The following SPTBN1 variants were observed in gnomAD, a reference collection of about 807,000 sequenced individuals.
SPTBN1 encodes spectrin beta chain, non-erythrocytic 1.
In SPTBN1, 32 loss-of-function variants were observed where a neutral mutation model predicts 266.4. The observed-to-expected ratio is 0.12, with a 90% confidence interval of 0.09 to 0.16. SPTBN1 has a LOEUF of 0.16. Ranked by LOEUF, SPTBN1 falls within the 10% of genes least tolerant of loss-of-function variation. SPTBN1 has a pLI of 1.00. For synonymous variants in SPTBN1, 1,336 were observed against 1,162.2 expected (o/e 1.15, Z -3.04); for missense variants, 2,296 against 3,067.1 (o/e 0.75, Z 5.94).
chr2:54,616,336 C>T, intron 5 of SPTBN1, 38 bp downstream of exon 5: 1 of 1,579,844 alleles, frequency 6.3e-7, no homozygotes, highest in Non-Finnish European at 8.7e-7. Flanking sequence ...GCTGCTTCTT[C>T]CAGGACTGAA....
intron 1 of SPTBN1, among the ~76,000 whole-genome samples, chr2:54,468,156 A>G (rs1446416444): frequency 6.6e-6 from 1 of 151,858 alleles, no homozygotes; most frequent in Non-Finnish European, 1.5e-5. Context: ...AAAATGCAAA[A>G]ATTGGCTGGG....
At chr2:54,642,885 G>T in intron 18 of SPTBN1, 98 bp from the exon 19 acceptor site, 1 of 1,429,876 alleles carries the variant, frequency 7.0e-7, no homozygotes, top group Non-Finnish European at 9.5e-7. Context: ...GGAAACGTGT[G>T]TAGTATGCAT....
chr2:54,518,631 CT>C (rs1307136091), intron 1 of SPTBN1, among the ~76,000 whole-genome samples: 1 of 152,090 alleles, frequency 6.6e-6, no homozygotes, highest in East Asian at 1.9e-4. Context: ...TTTTTCAAGT[CT>C]TTTATGAATA....
intron 1 of SPTBN1, among the ~76,000 whole-genome samples, chr2:54,478,101 C>T (rs1375488975): frequency 6.6e-6 from 1 of 152,178 alleles, no homozygotes; most frequent in Non-Finnish European, 1.5e-5. Context: ...TGGTCTGAGG[C>T]TGACAGGAAT....
intron 2 of SPTBN1, among the ~76,000 whole-genome samples, chr2:54,551,444 A>C (rs1469256475): frequency 6.6e-6 from 1 of 152,258 alleles, no homozygotes; most frequent in African/African-American, 2.4e-5. Flanking sequence ...TTGTCTGTGC[A>C]GGGAAGCTTT....
intron 18 of SPTBN1, among the ~76,000 whole-genome samples, chr2:54,638,187 C>A (rs1490053824): frequency 6.6e-6 from 1 of 152,116 alleles, no homozygotes; most frequent in African/African-American, 2.4e-5. Context: ...TAGTGGCTAC[C>A]ATGTTGGACA....
Position 54,630,961 on chromosome 2 carries a change from C to T in SPTBN1, c.2914C>T (p.Arg972Trp), listed in dbSNP as rs1678691123. The change falls in exon 16 of 36, where the codon CGG becomes TGG. Residue 972 changes from arginine (R) to tryptophan (W), a missense_variant. By Grantham distance (101) the Arg-to-Trp change is moderately radical. Around this residue, in one of 12 missense-constraint regions of SPTBN1, gnomAD observed 128 missense variants for 176.5 expected, o/e 0.73. Coordinates refer to ENST00000356805, the MANE Select transcript of SPTBN1 (RefSeq NM_003128.3). ...LECNETKSWI[R>W]EKTKVIESTQ... Reference sequence around the variant, plus strand: ...GTGCAATGAAACCAAATCCTGGATTCGGGAAAAGACCAAGGTCATCGAGTC... The same window carrying T: ...GTGCAATGAAACCAAATCCTGGATTTGGGAAAAGACCAAGGTCATCGAGTC... 3 of 1,614,034 alleles carry T rather than the reference C, an allele frequency of 1.9e-6. No individual in the cohort carries two copies. The highest frequency in any genetic ancestry group is 3.3e-5 in the Admixed American group (2 of 60,002).
intron 18 of SPTBN1, among the ~76,000 whole-genome samples, chr2:54,638,036 G>A (rs1398430736): frequency 6.6e-6 from 1 of 152,134 alleles, no homozygotes; most frequent in Admixed American, 6.5e-5. Flanking sequence ...GTACTGCACT[G>A]TTCATTACAG....
intron 18 of SPTBN1, among the ~76,000 whole-genome samples, chr2:54,642,659 G>A (rs1353316752): frequency 6.6e-6 from 1 of 151,942 alleles, no homozygotes; most frequent in Non-Finnish European, 1.5e-5. Context: ...GTCATGTCTT[G>A]GAGTGGTTAG....
intron 1 of SPTBN1, among the ~76,000 whole-genome samples, chr2:54,460,736 A>G (rs1441504733): frequency 2.6e-5 from 4 of 152,224 alleles, no homozygotes; most frequent in Non-Finnish European, 5.9e-5. Context: ...GCAGTGGCTC[A>G]CGCCTGTAAT....
intron 2 of SPTBN1, chr2:54,557,709 C>CT: frequency 1.0e-6 from 1 of 985,312 alleles, no homozygotes; most frequent in South Asian, 4.7e-5. Context: ...ATCGGTGCTC[C>CT]CATAAATCTT....
rs773963260 is a variant in SPTBN1, at chr2:54,653,734, G to C, written c.5703G>C (p.Glu1901Asp). 1 of 1,614,254 alleles carries C rather than the reference G, an allele frequency of 6.2e-7. No individual in the cohort carries two copies. The highest frequency in any genetic ancestry group is 1.1e-5 in the South Asian group (1 of 91,092). ...GGAAGTCCCTCCTGGACGCCTGTGA[G>C]AGCCGCAGGGTGCGGCTGGTGGACA... ...EAWKSLLDAC[E>D]SRRVRLVDTG... is the part of the protein sequence containing the mutation. Residue 1901 changes from glutamate to aspartate, a missense_variant, in exon 27 of 36, where the codon GAG becomes GAC. Glu to Asp is a conservative substitution (Grantham distance 45, BLOSUM62 2). Around this residue, in one of 12 missense-constraint regions of SPTBN1, gnomAD observed 644 missense variants for 745.3 expected, o/e 0.86. Transcript: ENST00000356805. The surrounding 1 kb of genome is among the most constrained non-coding windows in gnomAD (Gnocchi z 5.1).
chr2:54,529,695 G>A (rs1475195140), intron 2 of SPTBN1: 2 of 717,954 alleles, frequency 2.8e-6, no homozygotes, highest in Non-Finnish European at 5.1e-6. Flanking sequence ...AAGAAGCTCT[G>A]TGACATTGAT....
chr2:54,478,509 C>T (rs189369926), intron 1 of SPTBN1, among the ~76,000 whole-genome samples: 18 of 152,148 alleles, frequency 1.2e-4, no homozygotes, highest in African/African-American at 4.3e-4. Context: ...TGGGCCGAAC[C>T]CTGTAGATCT....
intron 34 of SPTBN1, among the ~76,000 whole-genome samples, chr2:54,666,315 T>C (rs1403595507): frequency 6.6e-6 from 1 of 152,242 alleles, no homozygotes; most frequent in East Asian, 1.9e-4. Flanking sequence ...ATCTGAGCAT[T>C]GAAGGATAAG....
intron 3 of SPTBN1, among the ~76,000 whole-genome samples, chr2:54,608,634 ATGAGCT>A (rs1168736968): frequency 6.6e-6 from 1 of 151,944 alleles, no homozygotes; most frequent in African/African-American, 2.4e-5. Context: ...GGGCGAGGGC[ATGAGCT>A]TGGTGTTGGT....
At chr2:54,606,062 T>C (rs1368867257) in intron 3 of SPTBN1, among the ~76,000 whole-genome samples, 1 of 152,166 alleles carries the variant, frequency 6.6e-6, no homozygotes. Flanking sequence ...AGAGAGAGAA[T>C]AGAGTTGTGG....
intron 2 of SPTBN1, among the ~76,000 whole-genome samples, chr2:54,586,611 G>A (rs1488039010): frequency 2.0e-5 from 3 of 152,154 alleles, no homozygotes; most frequent in Non-Finnish European, 4.4e-5. Flanking sequence ...ATTAGTCAGT[G>A]CTATACTGTG....
chr2:54,509,838 G>T (rs761254975), intron 1 of SPTBN1, among the ~76,000 whole-genome samples: 9 of 152,114 alleles, frequency 5.9e-5, no homozygotes, highest in Non-Finnish European at 1.2e-4. Flanking sequence ...TTCTGATGAG[G>T]CTTCTCTTCC....
Sources: gnomAD v4.1 joint callset for allele counts (sites outside exome capture counted in the v4.1 genomes callset) on GRCh38, gnomAD v4.1.1 for gene constraint, gnomAD v4.1.1 regional missense constraint, Gnocchi (gnomAD v3.1) non-coding constraint, MANE v1.5 for transcripts, NCBI Gene and HGNC (gene_info 2026-07-23, HGNC 2026-07-21) for gene names.